Variants in DIAPH3 observed in about 807,000 individuals in gnomAD.
DIAPH3 encodes protein diaphanous homolog 3.
Under a neutral mutation model 144.3 loss-of-function variants are expected in DIAPH3, and 117 were observed. The observed-to-expected ratio is 0.81, with a 90% CI of 0.70 to 0.95. The LOEUF (loss-of-function observed/expected upper bound fraction) is 0.95. Among genes scored for constraint, DIAPH3 ranks in the 40% least tolerant of loss-of-function variants. The pLI, the probability that DIAPH3 is intolerant of heterozygous loss-of-function variation, is 0.00. For missense variants in DIAPH3, 1,421 were observed against 1,412.7 expected (o/e 1.01, Z -0.09); for synonymous variants, 519 against 488.9 (o/e 1.06, Z -0.81).
At chr13:59,674,114 G>A (rs1275153497) in intron 27 of DIAPH3, among the ~76,000 whole-genome samples, 1 of 152,118 alleles carries the variant, frequency 6.6e-6, no homozygotes, top group African/African-American at 2.4e-5. Flanking sequence ...TGTGAAATCT[G>A]GCTTAACTTC....
At chr13:59,671,215 C>T (rs958816378) in intron 27 of DIAPH3, among the ~76,000 whole-genome samples, 1 of 152,144 alleles carries the variant, frequency 6.6e-6, no homozygotes, top group African/African-American at 2.4e-5. Flanking sequence ...TATACTCTAC[C>T]AGGTGCTCAG....
chr13:59,710,737 A>G (rs1404292226), intron 27 of DIAPH3, among the ~76,000 whole-genome samples: 1 of 152,208 alleles, frequency 6.6e-6, no homozygotes, highest in Non-Finnish European at 1.5e-5. Context: ...CTTTTCAACA[A>G]ATGTTGGCTA....
At chr13:59,860,651 T>C (rs534149215) in intron 22 of DIAPH3, among the ~76,000 whole-genome samples, 14 of 151,704 alleles carry the variant, frequency 9.2e-5, no homozygotes, top group Non-Finnish European at 4.4e-5. Flanking sequence ...GGCAGGAGAA[T>C]GGCATGAACC....
At chr13:59,758,537 G>T (rs1043066766) in intron 27 of DIAPH3, among the ~76,000 whole-genome samples, 2 of 152,120 alleles carry the variant, frequency 1.3e-5, no homozygotes, top group Non-Finnish European at 2.9e-5. Flanking sequence ...TCTGTTTCTT[G>T]ATCTGGTTAT....
chr13:60,143,037 G>A (rs1297051030), intron 1 of DIAPH3, among the ~76,000 whole-genome samples: 2 of 151,956 alleles, frequency 1.3e-5, no homozygotes, highest in African/African-American at 4.8e-5. Flanking sequence ...ACAGTAAGGT[G>A]TGAGTCCACC....
chr13:59,991,223 T>C lies in DIAPH3; in HGVS notation c.1296A>G (p.Arg432=), dbSNP rs1411949358. The C allele has an allele frequency of 3.1e-6, 5 of 1,611,382 alleles. No individual in the cohort carries two copies. The highest frequency in any genetic ancestry group is 1.3e-5 in the African/African-American group (1 of 74,776). ...GAATAGAAATAAAATATCCCTCTGC[T>C]CTAGTTTCTTTAACTGTGCTCCACA... ...NMVWSTVKET[R]AEGYFISILQ... is the part of the protein sequence containing the mutation. Residue 432 remains arginine, a synonymous_variant, in exon 12 of 28, where the codon AGA becomes AGG. Coordinates refer to ENST00000400324, the MANE Select transcript of DIAPH3 (RefSeq NM_001042517.2).
intron 9 of DIAPH3, among the ~76,000 whole-genome samples, chr13:59,994,934 T>A (rs572510373): frequency 6.6e-6 from 1 of 151,920 alleles, no homozygotes; most frequent in South Asian, 2.1e-4. Flanking sequence ...AGGCAATAGA[T>A]TCAAGTTCAG....
chr13:60,082,071 A>G (rs1353208536), intron 4 of DIAPH3, among the ~76,000 whole-genome samples: 2 of 152,010 alleles, frequency 1.3e-5, no homozygotes, highest in East Asian at 3.9e-4. Flanking sequence ...ACAGACATTA[A>G]GAGAATATAT....
intron 25 of DIAPH3, among the ~76,000 whole-genome samples, chr13:59,784,412 G>A (rs1358717595): frequency 1.4e-5 from 2 of 145,978 alleles, no homozygotes; most frequent in Non-Finnish European, 3.0e-5. Context: ...AGACAGCTCT[G>A]TCACCCAGGC....
At chr13:60,151,820 T>C (rs1163317985) in intron 1 of DIAPH3, among the ~76,000 whole-genome samples, 1 of 152,210 alleles carries the variant, frequency 6.6e-6, no homozygotes, top group Non-Finnish European at 1.5e-5. Context: ...TCACCTTTTA[T>C]AAAGAAGTGA....
intron 2 of DIAPH3, among the ~76,000 whole-genome samples, chr13:60,117,527 A>G (rs967249190): frequency 1.3e-5 from 2 of 152,138 alleles, no homozygotes; most frequent in East Asian, 3.9e-4. Flanking sequence ...TCCGTGCCCT[A>G]TTGAGCACTC....
At chr13:60,099,189 TG>T (rs2058192319) in intron 3 of DIAPH3, among the ~76,000 whole-genome samples, 1 of 152,152 alleles carries the variant, frequency 6.6e-6, no homozygotes, top group Non-Finnish European at 1.5e-5. Context: ...CAACTTACAA[TG>T]GGGTTATGTC....
intron 24 of DIAPH3, among the ~76,000 whole-genome samples, chr13:59,829,246 A>G (rs1253058032): frequency 6.6e-6 from 1 of 152,002 alleles, no homozygotes; most frequent in Non-Finnish European, 1.5e-5. Flanking sequence ...ATTTTAGATC[A>G]ATTATTTACA....
chr13:60,148,167 T>G (rs867592655), intron 1 of DIAPH3, among the ~76,000 whole-genome samples: 2 of 152,296 alleles, frequency 1.3e-5, no homozygotes, highest in South Asian at 2.1e-4. Flanking sequence ...AAGAAGTTTA[T>G]GAGAAAGCAG....
Position 59,872,251 on chromosome 13 carries a change from A to G in DIAPH3, c.2607+6978T>C, listed in dbSNP as rs150575497. Among the ~76,000 whole-genome samples the G allele has an allele frequency of 4.1e-3, 620 of 152,358 alleles. 2 individuals carry two copies. The highest frequency in any genetic ancestry group is 6.8e-3 in the Non-Finnish European group (464 of 68,032). ...GAGCACTGCTTTTATTGCATCGAACAAAACTTTATAAGTTGTATTTTCATT... is the reference window on the plus strand; with the variant it reads ...GAGCACTGCTTTTATTGCATCGAACGAAACTTTATAAGTTGTATTTTCATT... On this transcript the variant is annotated intron_variant, in intron 21 of 27. Coordinates refer to ENST00000400324, the MANE Select transcript of DIAPH3 (RefSeq NM_001042517.2).
chr13:59,675,373 A>G (rs1297938185), intron 27 of DIAPH3, among the ~76,000 whole-genome samples: 1 of 149,948 alleles, frequency 6.7e-6, no homozygotes, highest in Admixed American at 6.6e-5. Flanking sequence ...TAGCCTTTAC[A>G]TGCTATTTTT....
intron 27 of DIAPH3, among the ~76,000 whole-genome samples, chr13:59,731,123 G>C (rs1362422432): frequency 6.6e-6 from 1 of 152,124 alleles, no homozygotes; most frequent in Non-Finnish European, 1.5e-5. Context: ...ACTAAGAAAG[G>C]CTTCTGCTGC....
chr13:59,790,749 G>A (rs975850540), intron 25 of DIAPH3, among the ~76,000 whole-genome samples: 1 of 152,066 alleles, frequency 6.6e-6, no homozygotes, highest in Non-Finnish European at 1.5e-5. Flanking sequence ...TCAGAAGAAA[G>A]CAAGTATGAG....
At chr13:60,103,399 A>T (rs967334764) in intron 3 of DIAPH3, among the ~76,000 whole-genome samples, 1 of 152,198 alleles carries the variant, frequency 6.6e-6, no homozygotes, top group African/African-American at 2.4e-5. Flanking sequence ...TAAATTTAAA[A>T]TGATTGACTA....
Sources: gnomAD v4.1 joint callset for allele counts (sites outside exome capture counted in the v4.1 genomes callset) on GRCh38, gnomAD v4.1.1 for gene constraint, MANE v1.5 for transcripts, NCBI Gene and HGNC (gene_info 2026-07-23, HGNC 2026-07-21) for gene names.